The following IL1RAPL2 variants were observed in gnomAD, a reference collection of about 807,000 sequenced individuals.
The protein encoded by IL1RAPL2 is X-linked interleukin-1 receptor accessory protein-like 2.
In IL1RAPL2, 3 loss-of-function variants were observed where a neutral mutation model predicts 44.1. That is an observed-to-expected ratio of 0.07 (90% CI 0.03 to 0.18). The LOEUF (loss-of-function observed/expected upper bound fraction) is 0.18, where lower values mean the gene tolerates loss of function less well. Ranked by LOEUF, IL1RAPL2 falls within the 10% of genes least tolerant of loss-of-function variation. The pLI, the probability that IL1RAPL2 is intolerant of heterozygous loss-of-function variation, is 1.00. For missense variants in IL1RAPL2, 391 were observed against 496.4 expected, an observed-to-expected ratio of 0.79 and a Z score of 2.02; for synonymous variants, 181 against 178.8, an observed-to-expected ratio of 1.01 and a Z score of -0.10.
chrX:105,343,001 T>A (rs1317308526), intron 5 of IL1RAPL2, among the ~76,000 whole-genome samples: 1 of 110,877 alleles, frequency 9.0e-6, no homozygotes, highest in Non-Finnish European at 1.9e-5. Context: ...AGCAATTGGC[T>A]GCATTCTGAA....
chrX:105,405,742 C>T, intron 5 of IL1RAPL2: 1 of 967,284 alleles, frequency 1.0e-6, no homozygotes, highest in Non-Finnish European at 1.5e-6. Flanking sequence ...AAAAGTGTGT[C>T]CTACTTCAAC....
At chrX:105,390,187 C>A (rs912122564) in intron 5 of IL1RAPL2, among the ~76,000 whole-genome samples, 69 of 111,373 alleles carry the variant, frequency 6.2e-4, no homozygotes, top group African/African-American at 2.2e-3. Flanking sequence ...AAATGTAAAT[C>A]TAATCATATC....
intron 2 of IL1RAPL2, among the ~76,000 whole-genome samples, chrX:105,085,939 G>A (rs1286626510): frequency 8.9e-6 from 1 of 111,776 alleles, no homozygotes; most frequent in Non-Finnish European, 1.9e-5. Context: ...AAGTGGAAGT[G>A]GTTCATCATA....
chrX:105,031,845 C>T, intron 2 of IL1RAPL2, among the ~76,000 whole-genome samples: 1 of 111,504 alleles, frequency 9.0e-6, no homozygotes, highest in South Asian at 3.8e-4. Context: ...GGCTTTGAAT[C>T]CATCTGGTCC....
At chrX:104,665,852 G>T (rs964769597) in intron 2 of IL1RAPL2, among the ~76,000 whole-genome samples, 1 of 111,276 alleles carries the variant, frequency 9.0e-6, no homozygotes, top group South Asian at 3.8e-4. Flanking sequence ...ATGCTGCGAG[G>T]AGTGCCCTAT....
intron 2 of IL1RAPL2, among the ~76,000 whole-genome samples, chrX:104,823,133 G>A (rs1472382452): frequency 2.7e-5 from 3 of 110,386 alleles, no homozygotes; most frequent in South Asian, 7.8e-4. Flanking sequence ...TAAGTTTTAG[G>A]GTACATGTGC....
chrX:105,093,336 A>G (rs956837666), intron 2 of IL1RAPL2, among the ~76,000 whole-genome samples: 1 of 112,019 alleles, frequency 8.9e-6, no homozygotes, highest in Non-Finnish European at 1.9e-5. Flanking sequence ...TCTTAAACAT[A>G]GAATAACTAT....
chrX:105,253,634 TG>T (rs2034289981), intron 4 of IL1RAPL2, among the ~76,000 whole-genome samples: 1 of 111,529 alleles, frequency 9.0e-6, no homozygotes, highest in Non-Finnish European at 1.9e-5. Context: ...CACAGGGGTT[TG>T]TTTTACAGAT....
At chrX:105,699,254 G>C (rs759408622) in intron 6 of IL1RAPL2, among the ~76,000 whole-genome samples, 9 of 110,777 alleles carry the variant, frequency 8.1e-5, no homozygotes, top group Admixed American at 9.6e-5. Flanking sequence ...GATTAATCCC[G>C]GTGCATGCAT....
intron 2 of IL1RAPL2, among the ~76,000 whole-genome samples, chrX:104,716,769 A>G (rs1467048654): frequency 2.7e-5 from 3 of 112,174 alleles, no homozygotes; most frequent in Non-Finnish European, 5.6e-5. Flanking sequence ...AAGTCAAAAA[A>G]TAACAGATGC....
intron 2 of IL1RAPL2, among the ~76,000 whole-genome samples, chrX:104,796,963 G>T (rs1292565181): frequency 2.7e-5 from 3 of 110,365 alleles, no homozygotes; most frequent in Non-Finnish European, 5.7e-5. Context: ...TAAAGATGGG[G>T]TTTCACCATT....
chrX:105,356,184 G>GTGTGTGTGGTTT (rs1556297376), intron 5 of IL1RAPL2, among the ~76,000 whole-genome samples: 2 of 108,178 alleles, frequency 1.8e-5, no homozygotes, highest in African/African-American at 7.0e-5. Context: ...GTGTGTGTGT[G>GTGTGTGTGGTTT]GTTTGTTTCT....
chrX:104,967,783 A>G (rs2030155345), intron 2 of IL1RAPL2, among the ~76,000 whole-genome samples: 1 of 111,615 alleles, frequency 9.0e-6, no homozygotes, highest in Non-Finnish European at 1.9e-5. Flanking sequence ...ATACCAATAT[A>G]CATGAGAACT....
chrX:105,124,609 A>G (rs1347561173), intron 2 of IL1RAPL2, among the ~76,000 whole-genome samples: 1 of 109,734 alleles, frequency 9.1e-6, no homozygotes, highest in Non-Finnish European at 1.9e-5. Context: ...CTCATTTTCT[A>G]TTACAGGAAT....
chrX:104,902,446 A>G (rs1923848806), intron 2 of IL1RAPL2, among the ~76,000 whole-genome samples: 1 of 112,202 alleles, frequency 8.9e-6, no homozygotes, highest in East Asian at 2.8e-4. Context: ...CAAGAGTAAG[A>G]AAAAAAATTT....
intron 2 of IL1RAPL2, among the ~76,000 whole-genome samples, chrX:104,895,780 G>T (rs1029657981): frequency 1.8e-5 from 2 of 111,697 alleles, no homozygotes; most frequent in Non-Finnish European, 3.8e-5. Flanking sequence ...TCAGGTGACT[G>T]CACCCACTGT....
At chrX:104,682,138 C>A (rs1301015556) in intron 2 of IL1RAPL2, among the ~76,000 whole-genome samples, 1 of 112,189 alleles carries the variant, frequency 8.9e-6, no homozygotes, top group Admixed American at 9.5e-5. Flanking sequence ...TAGCCAACAA[C>A]AACAAAATAA....
intron 5 of IL1RAPL2, among the ~76,000 whole-genome samples, chrX:105,426,661 T>C (rs2035812928): frequency 9.0e-6 from 1 of 111,278 alleles, no homozygotes; most frequent in Non-Finnish European, 1.9e-5. Flanking sequence ...GTTTTTTTTT[T>C]CTTAACTCTG....
At chrX:104,897,423 CAGAA>C (rs1923686254) in intron 2 of IL1RAPL2, among the ~76,000 whole-genome samples, 1 of 111,981 alleles carries the variant, frequency 8.9e-6, no homozygotes, top group Non-Finnish European at 1.9e-5. Flanking sequence ...TTCCCAGAGA[CAGAA>C]AGTGAAAGCT....
Sources: allele counts gnomAD v4.1 joint callset (sites outside exome capture counted in the v4.1 genomes callset), GRCh38; gene constraint gnomAD v4.1.1; transcripts MANE v1.5; gene names NCBI Gene and HGNC (gene_info 2026-07-23, HGNC 2026-07-21).